The following ABCA13 variants were observed in gnomAD, a reference collection of about 807,000 sequenced individuals.
ABCA13 encodes the protein ATP-binding cassette sub-family A member 13.
Under a neutral mutation model 478.7 loss-of-function variants are expected in ABCA13, and 476 were observed. That is an observed-to-expected ratio of 0.99 (90% CI 0.92 to 1.07). The LOEUF (loss-of-function observed/expected upper bound fraction) is 1.07, where lower values mean the gene tolerates loss of function less well. Ranked by LOEUF, ABCA13 falls within the 50% of genes least tolerant of loss-of-function variation. ABCA13 has a pLI of 0.00. For missense variants in ABCA13, 6,060 were observed against 5,910.6 expected (o/e 1.03, Z -0.83); for synonymous variants, 2,252 against 2,158.9 (o/e 1.04, Z -1.20).
chr7:48,384,732 A>G (rs1001528955), intron 35 of ABCA13, among the ~76,000 whole-genome samples: 5 of 152,182 alleles, frequency 3.3e-5, no homozygotes, highest in Non-Finnish European at 7.3e-5. Context: ...AGTACCACAA[A>G]CTGGGTGGCT....
chr7:48,521,712 TA>T, intron 53 of ABCA13, among the ~76,000 whole-genome samples: 1 of 152,336 alleles, frequency 6.6e-6, no homozygotes, highest in Non-Finnish European at 1.5e-5. Context: ...AAATCTGTAT[TA>T]CCTTTACTTT....
At chr7:48,196,318 T>G (rs145894474) in intron 2 of ABCA13, among the ~76,000 whole-genome samples, 127 of 152,284 alleles carry the variant, frequency 8.3e-4, no homozygotes, top group African/African-American at 3.0e-3. Context: ...TGGAAATGTT[T>G]CCTAGAGGTA....
intron 43 of ABCA13, 46 bp downstream of exon 43, chr7:48,455,332 A>T: frequency 6.4e-7 from 1 of 1,560,112 alleles, no homozygotes; most frequent in East Asian, 2.3e-5. Context: ...GTCGAGGCAG[A>T]TTATGAATTG....
At chr7:48,285,607 C>T (rs1413452022) in intron 19 of ABCA13, among the ~76,000 whole-genome samples, 1 of 152,230 alleles carries the variant, frequency 6.6e-6, no homozygotes, top group Non-Finnish European at 1.5e-5. Context: ...TCACTGTCGA[C>T]TCCACGTTGT....
intron 20 of ABCA13, among the ~76,000 whole-genome samples, chr7:48,294,447 G>GT (rs1321103452): frequency 3.0e-4 from 40 of 134,206 alleles, no homozygotes; most frequent in Non-Finnish European, 4.5e-4. Flanking sequence ...TTTTTGTTTT[G>GT]TTTTTTTTTT....
intron 55 of ABCA13, among the ~76,000 whole-genome samples, chr7:48,572,361 C>T (rs1396167743): frequency 1.3e-5 from 2 of 151,892 alleles, no homozygotes; most frequent in South Asian, 2.1e-4. Context: ...CTCTGTCACC[C>T]AGGCTGGAGT....
chr7:48,297,429 A>G lies in ABCA13; in HGVS notation c.9199+118A>G, dbSNP rs1265733339. 9.0e-6 allele frequency: 9 copies of G among 998,698 alleles called. No individual in the cohort carries two copies. The Admixed American group carries it at 1.7e-4, about 19-fold the overall frequency. 61.9% of individuals were successfully genotyped at this position (998,698 alleles called of 1,614,324 possible). A position where few individuals can be genotyped will look rare whatever the true frequency, so the allele number is the denominator to read the frequency against. ...TTTATGCTATATGTGATACATAATC[A>G]TTTACAACTTGGCTGGTATGATGTA... is the stretch of plus-strand genomic sequence containing the variant. On this transcript the variant is annotated intron_variant, in intron 22 of 61. Transcript: ENST00000435803.
intron 3 of ABCA13, 44 bp from the exon 4 acceptor site, chr7:48,219,310 T>G: frequency 6.4e-7 from 1 of 1,557,956 alleles, no homozygotes; most frequent in Non-Finnish European, 8.6e-7. Flanking sequence ...AGGAAACTTA[T>G]TCTTGTTAAA....
intron 55 of ABCA13, among the ~76,000 whole-genome samples, chr7:48,535,277 C>T (rs1833492070): frequency 6.6e-6 from 1 of 152,018 alleles, no homozygotes; most frequent in Admixed American, 6.6e-5. Context: ...TTGTTTTTAC[C>T]CTTTTGTGTT....
chr7:48,557,649 G>A (rs561548413), intron 55 of ABCA13, among the ~76,000 whole-genome samples: 10 of 152,176 alleles, frequency 6.6e-5, no homozygotes, highest in Admixed American at 2.6e-4. Context: ...ACCTTTGGGA[G>A]TTTGATTATT....
At position 48,410,653 on chromosome 7, in the gene ABCA13, G is replaced by T. The variant is rs752997899; in HGVS notation, c.12204G>T (p.Gly4068=). ...PFCLKEAYGQ[G]LRLTLTRQPS... is the part of the protein sequence containing the mutation. ...GCCTGAAGGAGGCATATGGCCAGGG[G>T]CTCCGCCTGACACTCACGAGGCAGG... Residue 4068 remains glycine, a synonymous_variant, in exon 40 of 62, where the codon GGG becomes GGT. Coordinates refer to ENST00000435803, the MANE Select transcript of ABCA13 (RefSeq NM_152701.5). 6.2e-7 allele frequency: 1 copy of T among 1,613,846 alleles called. No homozygotes were observed. The highest frequency in any genetic ancestry group is 8.5e-7 in the Non-Finnish European group (1 of 1,179,764).
chr7:48,397,082 A>G (rs1816936861), intron 38 of ABCA13, among the ~76,000 whole-genome samples: 3 of 152,242 alleles, frequency 2.0e-5, no homozygotes, highest in South Asian at 2.1e-4. Flanking sequence ...TATCAGATTG[A>G]TGGATTAGCT....
At chr7:48,331,565 T>C (rs1276917333) in intron 27 of ABCA13, among the ~76,000 whole-genome samples, 1 of 152,212 alleles carries the variant, frequency 6.6e-6, no homozygotes, top group East Asian at 1.9e-4. Flanking sequence ...TTTTAAAAAT[T>C]AACTTTTTAA....
intron 42 of ABCA13, among the ~76,000 whole-genome samples, chr7:48,428,275 G>A (rs1327283270): frequency 1.1e-4 from 16 of 152,180 alleles, no homozygotes; most frequent in Admixed American, 2.0e-4. Flanking sequence ...ACAAAGCCCC[G>A]GATGTGGGCT....
intron 56 of ABCA13, among the ~76,000 whole-genome samples, chr7:48,586,739 A>C (rs1171291113): frequency 2.0e-5 from 3 of 151,792 alleles, no homozygotes; most frequent in Non-Finnish European, 4.4e-5. Flanking sequence ...TAATAAAGAA[A>C]ATTTTCTGCT....
At position 48,275,502 on chromosome 7, in the gene ABCA13, G is replaced by T. The variant is rs1467153715; in HGVS notation, c.5836G>T (p.Gly1946Cys). 3 of 1,613,792 alleles carry T rather than the reference G, an allele frequency of 1.9e-6. No individual in the cohort carries two copies. The highest frequency in any genetic ancestry group is 1.1e-5 in the South Asian group (1 of 91,072). ...RDSISELCPS[G>C]SIKQVALQII... ...TAGCATCTCTGAACTCTGTCCTAGT[G>T]GTTCCATAAAGCAAGTTGCTTTGCA... is the stretch of plus-strand genomic sequence containing the variant. Residue 1946 changes from glycine (G) to cysteine (C), a missense_variant, in exon 17 of 62, where the codon GGT (glycine) becomes TGT (cysteine). Transcript: ENST00000435803.
intron 38 of ABCA13, among the ~76,000 whole-genome samples, chr7:48,392,629 C>A (rs1454730400): frequency 6.6e-6 from 1 of 152,132 alleles, no homozygotes; most frequent in African/African-American, 2.4e-5. Flanking sequence ...TTGAACTTCA[C>A]TGAGCAAGTA....
In ABCA13 at chr7:48,325,574, A is replaced by AT. The variant is rs375702953; in HGVS notation, c.9999+8285dup. Among the ~76,000 whole-genome samples the AT allele has an allele frequency of 8.8e-4, 134 of 152,080 alleles. 1 individual carries two copies. Among genetic ancestry groups the AT allele is most frequent in the Middle Eastern group, 6.8e-3 (2 of 294 alleles). ...TTTTTGTTCTTTTCATGGCATCTGCATTTTTTTGCTGTTTCCTGAGTGCAG... is the reference window on the plus strand; with the variant it reads ...TTTTTGTTCTTTTCATGGCATCTGCATTTTTTTTGCTGTTTCCTGAGTGCAG... On this transcript the variant is annotated intron_variant, in intron 27 of 61. Coordinates refer to ENST00000435803, the MANE Select transcript of ABCA13 (RefSeq NM_152701.5).
intron 11 of ABCA13, among the ~76,000 whole-genome samples, 173 bp downstream of exon 11, chr7:48,244,876 C>T (rs1791431047): frequency 6.6e-6 from 1 of 152,142 alleles, no homozygotes; most frequent in South Asian, 2.1e-4. Context: ...TAAAATACAG[C>T]ACACCAAGGC....
Sources: gnomAD v4.1 joint callset for allele counts (sites outside exome capture counted in the v4.1 genomes callset) on GRCh38, gnomAD v4.1.1 for gene constraint, MANE v1.5 for transcripts, NCBI Gene and HGNC (gene_info 2026-07-23, HGNC 2026-07-21) for gene names.